Variants in GPC6 observed in about 807,000 individuals in gnomAD.
The protein encoded by GPC6 is glypican 6, also known as glypican-6.
GPC6 carries 14 observed loss-of-function variants against 55.2 expected under a neutral mutation model. The observed-to-expected ratio is 0.25, with a 90% CI of 0.17 to 0.40. The LOEUF is 0.40. GPC6 is among the 10% of genes least tolerant of loss of function. The pLI, the probability that GPC6 is intolerant of heterozygous loss-of-function variation, is 1.00. For missense variants in GPC6, 641 were observed against 708.5 expected (o/e 0.90, Z 1.08); for synonymous variants, 278 against 259.6 (o/e 1.07, Z -0.68).
intron 4 of GPC6, among the ~76,000 whole-genome samples, chr13:94,178,077 GGT>G (rs1888852108): frequency 7.1e-6 from 1 of 141,404 alleles, no homozygotes; most frequent in Non-Finnish European, 1.5e-5. Flanking sequence ...GGAGTGCAGT[GGT>G]GCGATCTCAA....
At chr13:94,379,949 T>C (rs905896593) in intron 6 of GPC6, among the ~76,000 whole-genome samples, 3 of 152,196 alleles carry the variant, frequency 2.0e-5, no homozygotes, top group African/African-American at 4.8e-5. Flanking sequence ...CGCAGAAAGC[T>C]GAATCTAAAT....
At chr13:94,100,820 T>C (rs999578967) in intron 4 of GPC6, among the ~76,000 whole-genome samples, 7 of 152,250 alleles carry the variant, frequency 4.6e-5, no homozygotes, top group African/African-American at 1.7e-4. Flanking sequence ...CTAATGATAA[T>C]AATTTCTTTG....
intron 5 of GPC6, among the ~76,000 whole-genome samples, chr13:94,288,930 TATAG>T (rs538344779): frequency 4.6e-5 from 5 of 108,214 alleles, no homozygotes; most frequent in East Asian, 2.7e-4. Context: ...ATATAACAAA[TATAG>T]ATAGATAGAT....
intron 1 of GPC6, among the ~76,000 whole-genome samples, chr13:93,442,546 T>C (rs1877845410): frequency 6.6e-6 from 1 of 152,178 alleles, no homozygotes; most frequent in Non-Finnish European, 1.5e-5. Flanking sequence ...TAAGGAAGCA[T>C]GAGTTTTACA....
At chr13:93,521,058 G>A (rs571220532) in intron 1 of GPC6, among the ~76,000 whole-genome samples, 1 of 152,024 alleles carries the variant, frequency 6.6e-6, no homozygotes, top group East Asian at 1.9e-4. Context: ...GTATATGTTA[G>A]ATTTTGTATT....
intron 2 of GPC6, among the ~76,000 whole-genome samples, chr13:93,780,707 A>G (rs925562011): frequency 6.6e-6 from 1 of 152,174 alleles, no homozygotes; most frequent in African/African-American, 2.4e-5. Context: ...GTTAATGTTT[A>G]AAACAAGTCA....
At chr13:93,277,564 C>G (rs556173758) in intron 1 of GPC6, among the ~76,000 whole-genome samples, 3 of 152,220 alleles carry the variant, frequency 2.0e-5, no homozygotes, top group African/African-American at 7.2e-5. Context: ...TCCTCAAATC[C>G]CCATCTGAGC....
At chr13:94,141,664 T>C (rs1208206629) in intron 4 of GPC6, among the ~76,000 whole-genome samples, 2 of 152,196 alleles carry the variant, frequency 1.3e-5, no homozygotes, top group African/African-American at 4.8e-5. Context: ...AAATATCTAG[T>C]TAATAATTGA....
At chr13:93,598,901 C>A (rs561439837) in intron 2 of GPC6, among the ~76,000 whole-genome samples, 1 of 152,222 alleles carries the variant, frequency 6.6e-6, no homozygotes, top group African/African-American at 2.4e-5. Flanking sequence ...GTTCCCATTT[C>A]TTTTTCTCAC....
chr13:93,231,343 ATACATATATATATATAC>A (rs765144415), intron 1 of GPC6, among the ~76,000 whole-genome samples: 4,097 of 42,000 alleles, frequency 0.098, 174 homozygotes, highest in East Asian at 0.25. Context: ...ATATATATAT[ATACATATATATATATAC>A]GTATATATAT....
At chr13:93,613,509 A>AAC (rs369082922) in intron 2 of GPC6, among the ~76,000 whole-genome samples, 17 of 142,962 alleles carry the variant, frequency 1.2e-4, no homozygotes, top group South Asian at 7.0e-4. Flanking sequence ...CAGACAAGCA[A>AAC]ACACACACAC....
intron 2 of GPC6, among the ~76,000 whole-genome samples, chr13:93,582,609 G>C (rs927759976): frequency 6.6e-6 from 1 of 152,200 alleles, no homozygotes; most frequent in Non-Finnish European, 1.5e-5. Flanking sequence ...TATTTAGCTT[G>C]ATAAGGTACT....
chr13:94,163,124 A>G (rs542486185), intron 4 of GPC6, among the ~76,000 whole-genome samples: 1 of 152,212 alleles, frequency 6.6e-6, no homozygotes, highest in Admixed American at 6.5e-5. Flanking sequence ...GCTACTGTAT[A>G]TAAAATATTG....
chr13:93,521,007 A>G (rs1440346220), intron 1 of GPC6, among the ~76,000 whole-genome samples: 1 of 151,980 alleles, frequency 6.6e-6, no homozygotes, highest in Non-Finnish European at 1.5e-5. Flanking sequence ...AAATATAAGA[A>G]CTTTAGTAAT....
Position 93,830,729 on chromosome 13 carries a change from A to T in GPC6, c.711+184A>T, listed in dbSNP as rs1887458721. The T allele has an allele frequency of 6.5e-6, 4 of 613,416 alleles. No homozygotes were observed. The East Asian group carries it at 8.5e-5, about 13-fold the overall frequency. 38.0% of individuals were successfully genotyped at this position (613,416 alleles called of 1,614,324 possible). ...GGCTTTCTTTTCCTTGCATTGTGTG[A>T]GAGAGAACAGGATTTTAAGCCATTC... On this transcript the variant is annotated intron_variant, in intron 3 of 8. Transcript: ENST00000377047.
intron 4 of GPC6, among the ~76,000 whole-genome samples, chr13:94,206,501 G>A (rs753844662): frequency 2.6e-4 from 40 of 152,058 alleles, no homozygotes; most frequent in Admixed American, 1.0e-3. Context: ...GCTTTGACAC[G>A]TTGAGGCCTT....
At chr13:93,354,704 T>A (rs113299759) in intron 1 of GPC6, among the ~76,000 whole-genome samples, 2,704 of 152,012 alleles carry the variant, frequency 0.018, 42 homozygotes, top group Middle Eastern at 0.051. Context: ...TCCTAACGTG[T>A]TATATGTTTA....
chr13:93,949,940 C>A (rs1363612153), intron 3 of GPC6, among the ~76,000 whole-genome samples: 1 of 152,112 alleles, frequency 6.6e-6, no homozygotes, highest in Admixed American at 6.5e-5. Context: ...GTTGCCCAGG[C>A]TGGTCTCCAA....
intron 1 of GPC6, among the ~76,000 whole-genome samples, chr13:93,325,347 G>A (rs1430281401): frequency 2.0e-5 from 3 of 152,118 alleles, no homozygotes; most frequent in Non-Finnish European, 2.9e-5. Flanking sequence ...TGGCTTTTGT[G>A]AAGGGTACAT....
Sources: allele counts gnomAD v4.1 joint callset (sites outside exome capture counted in the v4.1 genomes callset), GRCh38; gene constraint gnomAD v4.1.1; transcripts MANE v1.5; gene names NCBI Gene and HGNC (gene_info 2026-07-23, HGNC 2026-07-21).